The following ASIC4 variants were observed in gnomAD, a reference collection of about 807,000 sequenced individuals.
The protein encoded by ASIC4 is acid-sensing ion channel 4.
A neutral mutation model predicts 53.4 loss-of-function variants in ASIC4; 28 were observed. The observed-to-expected ratio is 0.52, with a 90% CI of 0.39 to 0.72. The LOEUF is 0.72. ASIC4 is among the 30% of genes least tolerant of loss of function. The probability of loss-of-function intolerance (pLI) is 0.00; values close to 1 mark genes in which losing one functional copy is unlikely to be tolerated. For missense variants in ASIC4, 649 were observed against 729.7 expected, an observed-to-expected ratio of 0.89 and a Z score of 1.27; for synonymous variants, 289 against 301.4, an observed-to-expected ratio of 0.96 and a Z score of 0.43.
chr2:219,537,158 G>A lies in ASIC4; in HGVS notation c.1321+1G>A. 1 of 1,613,830 alleles carries A rather than the reference G, an allele frequency of 6.2e-7. No individual in the cohort carries two copies. The highest frequency in any genetic ancestry group is 8.5e-7 in the Non-Finnish European group (1 of 1,179,766). On this transcript the variant is annotated splice_donor_variant, in intron 7 of 9. Coordinates refer to ENST00000358078, the MANE Select transcript of ASIC4 (RefSeq NM_018674.6). LOFTEE classifies it high-confidence loss of function. The surrounding 1 kb of genome is among the most constrained non-coding windows in gnomAD (Gnocchi z 4.9). ...GCCTATGGCCTGTCAGCCCTGCTGG[G>A]TGAGACTGGTGTCCCTGCCCCCAGC...
At chr2:219,529,823 C>T (rs1177262254) in intron 1 of ASIC4, among the ~76,000 whole-genome samples, 1 of 152,022 alleles carries the variant, frequency 6.6e-6, no homozygotes, top group African/African-American at 2.4e-5. Context: ...GTTTTTGTTT[C>T]GGGAACGGGA....
rs748070936 is a variant in ASIC4, at chr2:219,531,375, A to AT, written c.583-383_583-382insT. ...AGCAAGACCATATCTCAAAAAAAAA[A>AT]GAAGAGAAAGAAGTGTCCCAGGACT... is the stretch of plus-strand genomic sequence containing the variant. On this transcript the variant is annotated intron_variant, in intron 1 of 9. Coordinates refer to ENST00000358078, the MANE Select transcript of ASIC4 (RefSeq NM_018674.6). Among the ~76,000 whole-genome samples, 12 of 152,218 alleles carry AT rather than the reference A, an allele frequency of 7.9e-5. No homozygotes were observed. In the East Asian group the frequency reaches 2.3e-3, roughly 29 times the overall value.
chr2:219,514,304 A>G (rs375092746), upstream of ASIC4: 31 of 1,496,852 alleles, frequency 2.1e-5, no homozygotes, highest in Non-Finnish European at 2.7e-5. Context: ...CGCTGTTGAC[A>G]TGTCCTGAAT....
chr2:219,527,817 G>C (rs1409908619), intron 1 of ASIC4, among the ~76,000 whole-genome samples: 1 of 152,248 alleles, frequency 6.6e-6, no homozygotes, highest in Non-Finnish European at 1.5e-5. Context: ...ATGTTTGATA[G>C]TGTTTGCTTT....
intron 6 of ASIC4, 145 bp downstream of exon 6, chr2:219,535,469 G>T (rs1181965952): frequency 1.0e-6 from 1 of 986,446 alleles, no homozygotes; most frequent in African/African-American, 1.7e-5. Context: ...GTGTATGTGT[G>T]TGGGGTGTAT....
At chr2:219,532,749 G>A in intron 4 of ASIC4, 134 bp from the exon 5 acceptor site, 1 of 924,684 alleles carries the variant, frequency 1.1e-6, no homozygotes, top group Non-Finnish European at 1.7e-6. Flanking sequence ...TGTGGGGGTT[G>A]TGTGTGTGGT....
chr2:219,511,895 C>A (rs962992192), upstream of ASIC4, among the ~76,000 whole-genome samples: 1 of 138,244 alleles, frequency 7.2e-6, no homozygotes, highest in African/African-American at 2.8e-5. This position sits in a 1 kb window ranked among gnomAD's most constrained non-coding sequence, Gnocchi z 5.3. Flanking sequence ...GGCAGGGAAG[C>A]GGGGAGAGGG....
chr2:219,508,761 G>A, the ASIC4 span, among the ~76,000 whole-genome samples: 800 of 150,112 alleles, frequency 5.3e-3, 6 homozygotes, highest in African/African-American at 0.018. Context: ...GCCAGCCCGG[G>A]GAGGGTCTGG....
rs1302864256 is a variant in ASIC4 at position 219,535,337 on chromosome 2, G to C, written c.1229+13G>C. On this transcript the variant is annotated intron_variant, in intron 6 of 9. Coordinates refer to ENST00000358078, the MANE Select transcript of ASIC4 (RefSeq NM_018674.6). ...AGACCTACATACGGTATGTGTGTGTGTGTGTGGGGGGTGGCTGTGTGACTC... is the reference window on the plus strand; with the variant it reads ...AGACCTACATACGGTATGTGTGTGTCTGTGTGGGGGGTGGCTGTGTGACTC... 3.2e-6 allele frequency: 5 copies of C among 1,570,706 alleles called. No individual in the cohort carries two copies. In the South Asian group the frequency reaches 4.6e-5, roughly 14 times the overall value.
intron 1 of ASIC4, among the ~76,000 whole-genome samples, chr2:219,522,346 A>C (rs1490939442): frequency 1.4e-5 from 2 of 147,884 alleles, no homozygotes; most frequent in Admixed American, 6.7e-5. Context: ...GAAGGTGTAA[A>C]TACCAAACGG....
intron 3 of ASIC4, 88 bp downstream of exon 3, chr2:219,532,216 C>T (rs1307324889): frequency 6.3e-7 from 1 of 1,599,646 alleles, no homozygotes. Flanking sequence ...CCTCTAGAAG[C>T]TCAGAGCCTG....
rs1356481507 is a variant in ASIC4, at chr2:219,531,990, C to G, written c.728-11C>G. On this transcript the variant is annotated splice_polypyrimidine_tract_variant and intron_variant, in intron 2 of 9. Coordinates refer to ENST00000358078, the MANE Select transcript of ASIC4 (RefSeq NM_018674.6). ...GATGGGTTTCCAAAGGTCCCCATCT[C>G]TGCTGTGCAGATGAGACGTCGTTTG... The G allele has an allele frequency of 3.7e-6, 6 of 1,614,158 alleles. No homozygotes were observed. The highest frequency in any genetic ancestry group is 5.1e-6 in the Non-Finnish European group (6 of 1,179,972).
At chr2:219,531,679 C>A in intron 1 of ASIC4, 79 bp from the exon 2 acceptor site, 1 of 1,491,144 alleles carries the variant, frequency 6.7e-7, no homozygotes, top group Middle Eastern at 1.8e-4. Flanking sequence ...TGGTGGCCCT[C>A]AGCAGGGAGC....
At chr2:219,531,242 T>C (rs1695036175) in intron 1 of ASIC4, among the ~76,000 whole-genome samples, 1 of 151,610 alleles carries the variant, frequency 6.6e-6, no homozygotes, top group Non-Finnish European at 1.5e-5. Context: ...GGCATATGCT[T>C]GTAATCCCAG....
At chr2:219,529,523 A>G (rs1442778092) in intron 1 of ASIC4, among the ~76,000 whole-genome samples, 1 of 152,220 alleles carries the variant, frequency 6.6e-6, no homozygotes, top group Non-Finnish European at 1.5e-5. Context: ...TTCCTGTCTC[A>G]TCTACCTGGA....
upstream of ASIC4, among the ~76,000 whole-genome samples, chr2:219,511,936 G>A (rs149477210): frequency 0.013 from 1,940 of 152,204 alleles, 20 homozygotes; most frequent in Non-Finnish European, 0.018. This position sits in a 1 kb window ranked among gnomAD's most constrained non-coding sequence, Gnocchi z 5.3. Flanking sequence ...AGAGGCAAAG[G>A]GGGTATAGAG....
At position 219,524,374 on chromosome 2, in the gene ASIC4, A is replaced by C. The variant is rs112694447; in HGVS notation, c.583-7384A>C. ...CACACAGTGGCTATGGGTGGACTCC[A>C]GGGCCAGACTGCCTGGTCCCCTGTC... is the stretch of plus-strand genomic sequence containing the variant. On this transcript the variant is annotated intron_variant, in intron 1 of 9. Transcript: ENST00000358078. Among the ~76,000 whole-genome samples the C allele has an allele frequency of 2.4e-3, 364 of 152,364 alleles. 1 individual carries two copies. The highest frequency in any genetic ancestry group is 5.9e-3 in the African/African-American group (244 of 41,582).
Position 219,537,846 on chromosome 2 carries a change from A to T in ASIC4, c.1507-87A>T, listed in dbSNP as rs1695170542. 1 of 1,491,600 alleles carries T rather than the reference A, an allele frequency of 6.7e-7. No homozygotes were observed. Among genetic ancestry groups the T allele is most frequent in the African/African-American group, 1.4e-5 (1 of 72,236 alleles). The allele number at this position is 1,491,600 out of a possible 1,614,324, so 92.4% of individuals were successfully genotyped here. A position where few individuals can be genotyped will look rare whatever the true frequency, so the allele number is the denominator to read the frequency against. On this transcript the variant is annotated intron_variant, in intron 9 of 9. Transcript: ENST00000358078. The surrounding 1 kb of genome is among the most constrained non-coding windows in gnomAD (Gnocchi z 4.9). ...GAGGGGGCCCTGGAGCCTCTGCCCG[A>T]GGTGACAAGGAAAGGCTGGCGGTGT...
intron 1 of ASIC4, among the ~76,000 whole-genome samples, chr2:219,526,919 A>T (rs1694970482): frequency 6.6e-6 from 1 of 152,156 alleles, no homozygotes. Flanking sequence ...TGGGGGTCTG[A>T]GATGGGGACA....
Sources: allele counts gnomAD v4.1 joint callset (sites outside exome capture counted in the v4.1 genomes callset), GRCh38; gene constraint gnomAD v4.1.1; non-coding constraint Gnocchi (gnomAD v3.1); transcripts MANE v1.5; gene names NCBI Gene and HGNC (gene_info 2026-07-23, HGNC 2026-07-21).